Variants in ARMC8 observed in about 807,000 individuals in gnomAD.
The protein encoded by ARMC8 is armadillo repeat containing 8.
A neutral mutation model predicts 99.3 loss-of-function variants in ARMC8; 20 were observed. The ratio of observed to expected loss-of-function variants is 0.20; its 90% confidence interval spans 0.14 to 0.29. The LOEUF (loss-of-function observed/expected upper bound fraction) is 0.29, where lower values mean the gene tolerates loss of function less well. ARMC8 is among the 10% of genes least tolerant of loss of function. ARMC8 has a pLI of 1.00. For synonymous variants in ARMC8, 263 were observed against 278.3 expected, an observed-to-expected ratio of 0.95 and a Z score of 0.55; for missense variants, 569 against 809.5, an observed-to-expected ratio of 0.70 and a Z score of 3.60.
chr3:138,225,809 G>GT (rs2045665584), intron 5 of ARMC8, among the ~76,000 whole-genome samples: 2 of 152,168 alleles, frequency 1.3e-5, no homozygotes, highest in South Asian at 4.1e-4. Context: ...TTTCAAGACT[G>GT]TAAGTAATCG....
chr3:138,237,286 T>G, intron 7 of ARMC8, 23 bp from the exon 8 acceptor site: 1 of 1,604,814 alleles, frequency 6.2e-7, no homozygotes, highest in Non-Finnish European at 8.5e-7. Context: ...ACACATTTTT[T>G]GTTTGTTCAT....
At chr3:138,234,339 C>T (rs1275003623) in intron 6 of ARMC8, among the ~76,000 whole-genome samples, 2 of 152,072 alleles carry the variant, frequency 1.3e-5, no homozygotes, top group African/African-American at 2.4e-5. Context: ...CTTGATCTCC[C>T]AACCTCCTGA....
intron 3 of ARMC8, 138 bp from the exon 4 acceptor site, chr3:138,223,251 G>T: frequency 1.4e-6 from 1 of 709,114 alleles, no homozygotes; most frequent in Middle Eastern, 4.0e-4. Context: ...TAGCAGATGA[G>T]ATAAACAAAT....
chr3:138,244,091 T>C (rs979788236), intron 11 of ARMC8, among the ~76,000 whole-genome samples: 15 of 152,280 alleles, frequency 9.9e-5, no homozygotes, highest in Admixed American at 2.6e-4. Context: ...TAATTAGTTA[T>C]GCATGTTTAA....
chr3:138,246,029 A>G lies in ARMC8; in HGVS notation c.1134+846A>G, dbSNP rs147023689. On this transcript the variant is annotated intron_variant, in intron 12 of 21. Coordinates refer to ENST00000469044, the MANE Select transcript of ARMC8 (RefSeq NM_001363941.2). The stretch of plus-strand genomic sequence containing the variant: ...ACATGATGATTTACTAAATCTCTCC[A>G]TCTGCATTAGTATTTTAAGGAGCAC... 3.0e-4 allele frequency: 291 copies of G among 985,400 alleles called. No homozygotes were observed. In the African/African-American group the frequency reaches 4.5e-3, roughly 15 times the overall value. The allele number at this position is 985,400 out of a possible 1,614,324, so 61.0% of individuals were successfully genotyped here.
rs1210274636 is a variant in ARMC8, at chr3:138,270,074, G to T, written c.1421G>T (p.Cys474Phe). 1 of 1,613,322 alleles carries T rather than the reference G, an allele frequency of 6.2e-7. No homozygotes were observed. Among genetic ancestry groups the T allele is most frequent in the Non-Finnish European group, 8.5e-7 (1 of 1,179,718 alleles). The stretch of plus-strand genomic sequence containing the variant: ...GAATCAGGAGCCGTAGAGCTACTTT[G>T]TGGATTAACTCAGAGTGAAAATCCT... ...ILESGAVELL[C>F]GLTQSENPAL... The change falls in exon 16 of 22, where the codon TGT (cysteine) becomes TTT (phenylalanine). Residue 474 changes from cysteine (C) to phenylalanine (F), a missense_variant. This residue lies in a region of ARMC8 where 227 missense variants were observed against 417.9 expected (regional missense o/e 0.54). Transcript: ENST00000469044.
chr3:138,246,077 T>TA (rs1403853551), intron 12 of ARMC8: 1 of 985,372 alleles, frequency 1.0e-6, no homozygotes, highest in African/African-American at 1.7e-5. Flanking sequence ...CACAAAGTAT[T>TA]AGAGTTTACC....
rs186752122 is a variant in ARMC8 at position 138,214,514 on chromosome 3, G to C, written c.122+4621G>C. Among the ~76,000 whole-genome samples, 256 of 152,238 alleles carry C rather than the reference G, an allele frequency of 1.7e-3. 1 individual carries two copies. Among genetic ancestry groups the C allele is most frequent in the African/African-American group, 5.6e-3 (234 of 41,514 alleles). ...GTAGACAGGTTCCATTTTCTTGCAT[G>C]AGCTAAAGATAAAGAGTTCCCATAA... On this transcript the variant is annotated intron_variant, in intron 2 of 21. Transcript: ENST00000469044.
intron 1 of ARMC8, among the ~76,000 whole-genome samples, chr3:138,190,467 T>C (rs1279019563): frequency 1.3e-5 from 2 of 151,994 alleles, no homozygotes; most frequent in Admixed American, 1.3e-4. Context: ...TTTTGTATTT[T>C]TAGTAGAGAC....
rs762168707 is a variant in ARMC8 at position 138,245,185 on chromosome 3, T to TGA, written c.1134+4_1134+5dup. The TGA allele has an allele frequency of 6.2e-7, 1 of 1,614,168 alleles. No homozygotes were observed. The highest frequency in any genetic ancestry group is 1.1e-5 in the South Asian group (1 of 91,088). The stretch of plus-strand genomic sequence containing the variant: ...AATGATGAAGACATCCGGAAGAAGG[T>TGA]GAGTCTGGGAGAGGGGCGTCCCCCA... On this transcript the variant is annotated splice_region_variant and intron_variant, in intron 12 of 21. Coordinates refer to ENST00000469044, the MANE Select transcript of ARMC8 (RefSeq NM_001363941.2).
Position 138,270,136 on chromosome 3 carries a change from C to T in ARMC8, c.1479+4C>T, listed in dbSNP as rs375556484. The stretch of plus-strand genomic sequence containing the variant: ...GAATGGAATTTGGGCTTTAATGGTA[C>T]GTTTCACTTTTATATATATCATAAC... On this transcript the variant is annotated splice_donor_region_variant and intron_variant, in intron 16 of 21. Transcript: ENST00000469044. 2.3e-5 allele frequency: 37 copies of T among 1,585,984 alleles called. No individual in the cohort carries two copies. In the African/African-American group the frequency reaches 2.8e-4, roughly 12 times the overall value.
intron 14 of ARMC8, 50 bp downstream of exon 14, chr3:138,264,262 T>C (rs775390094): frequency 2.7e-6 from 4 of 1,455,328 alleles, no homozygotes; most frequent in Non-Finnish European, 2.9e-6. Context: ...GACCCTAGAG[T>C]GAGCTGAGCT....
Position 138,270,082 on chromosome 3 carries a change from A to C in ARMC8, c.1429A>C (p.Thr477Pro), listed in dbSNP as rs763452866. The change falls in exon 16 of 22, where the codon ACT becomes CCT. Residue 477 changes from threonine (T) to proline (P), a missense_variant. Physicochemically the swap from Thr to Pro is conservative, Grantham distance 38. Transcript: ENST00000469044. ...SGAVELLCGLTQSENPALRVN... is the reference protein window; with the variant it reads ...SGAVELLCGLPQSENPALRVN... ...AGCCGTAGAGCTACTTTGTGGATTA[A>C]CTCAGAGTGAAAATCCTGCTTTACG... 6.2e-7 allele frequency: 1 copy of C among 1,613,640 alleles called. No homozygotes were observed. The highest frequency in any genetic ancestry group is 8.5e-7 in the Non-Finnish European group (1 of 1,179,724).
chr3:138,292,827 G>C (rs970061589), intron 21 of ARMC8, among the ~76,000 whole-genome samples: 11 of 152,312 alleles, frequency 7.2e-5, no homozygotes, highest in Middle Eastern at 3.4e-3. Context: ...TAAGGACCAA[G>C]ATCTAGAGTC....
chr3:138,267,486 GTCTA>G (rs994023099), intron 15 of ARMC8, among the ~76,000 whole-genome samples: 8 of 152,144 alleles, frequency 5.3e-5, no homozygotes, highest in African/African-American at 1.4e-4. Context: ...ACATCTTCAA[GTCTA>G]TCTAAACTGC....
chr3:138,260,135 A>C (rs1437810547), intron 12 of ARMC8, among the ~76,000 whole-genome samples: 1 of 152,210 alleles, frequency 6.6e-6, no homozygotes, highest in East Asian at 1.9e-4. Flanking sequence ...TTTGCTGAAT[A>C]CATAATTATA....
At chr3:138,188,383 T>C (rs114883210) in intron 1 of ARMC8, 2 of 1,481,666 alleles carry the variant, frequency 1.3e-6, no homozygotes, top group Non-Finnish European at 1.8e-6. Context: ...AACCTGTTTT[T>C]TTTTTTTTTA....
chr3:138,295,749 T>C, intron 21 of ARMC8, 110 bp from the exon 22 acceptor site: 1 of 1,271,394 alleles, frequency 7.9e-7, no homozygotes, highest in Non-Finnish European at 1.1e-6. Context: ...CCCAATTCCC[T>C]CTGGAGATTT....
At chr3:138,233,656 G>A (rs1273753709) in intron 6 of ARMC8, among the ~76,000 whole-genome samples, 2 of 152,206 alleles carry the variant, frequency 1.3e-5, no homozygotes, top group African/African-American at 2.4e-5. Flanking sequence ...CTATTCAGAA[G>A]TACGAATGCT....
Sources: allele counts gnomAD v4.1 joint callset (sites outside exome capture counted in the v4.1 genomes callset), GRCh38; gene constraint gnomAD v4.1.1; regional missense constraint gnomAD v4.1.1; transcripts MANE v1.5; gene names NCBI Gene and HGNC (gene_info 2026-07-23, HGNC 2026-07-21).